The following ANKRD46 variants were observed in gnomAD, a reference collection of about 807,000 sequenced individuals.
ANKRD46 encodes the protein ankyrin repeat domain 46, also known as ankyrin repeat domain-containing protein 46.
A neutral mutation model predicts 19.8 loss-of-function variants in ANKRD46; 13 were observed. That is an observed-to-expected ratio of 0.66 (90% confidence interval 0.43 to 1.04). The LOEUF (loss-of-function observed/expected upper bound fraction) is 1.04. ANKRD46 is among the 50% of genes least tolerant of loss of function. ANKRD46 has a pLI of 0.00. For missense variants in ANKRD46, 185 were observed against 274.8 expected, an observed-to-expected ratio of 0.67 and a Z score of 2.31; for synonymous variants, 91 against 106.9, an observed-to-expected ratio of 0.85 and a Z score of 0.92.
At chr8:100,540,364 C>T (rs1158259662) in intron 1 of ANKRD46, among the ~76,000 whole-genome samples, 1 of 152,162 alleles carries the variant, frequency 6.6e-6, no homozygotes, top group Non-Finnish European at 1.5e-5. Context: ...ACTGTAGAAA[C>T]AATACCTGGA....
rs548740436 is a variant in ANKRD46, at chr8:100,522,365, A to C, written c.*190T>G. ...GTCAGAGGTAGCGTTAGGATGCAAT[A>C]TACTTGATCATAGTATGTAGTTAGT... On this transcript the variant is annotated 3_prime_UTR_variant, in exon 5 of 5. Coordinates refer to ENST00000335659, the MANE Select transcript of ANKRD46 (RefSeq NM_001270377.2). The C allele has an allele frequency of 1.6e-4, 229 of 1,413,548 alleles. 2 individuals carry two copies. In the African/African-American group the frequency reaches 3.1e-3, roughly 19 times the overall value. 87.6% of individuals were successfully genotyped at this position (1,413,548 alleles called of 1,614,324 possible). A position where few individuals can be genotyped will look rare whatever the true frequency, so the allele number is the denominator to read the frequency against.
In ANKRD46 at chr8:100,546,861, T is replaced by A. The variant is rs1812282954; in HGVS notation, c.-131+12850A>T. On this transcript the variant is annotated intron_variant, in intron 1 of 4. Coordinates refer to ENST00000335659, the MANE Select transcript of ANKRD46 (RefSeq NM_001270377.2). This position sits in a 1 kb window ranked among gnomAD's most constrained non-coding sequence, Gnocchi z 4.0. The stretch of plus-strand genomic sequence containing the variant: ...GTGAGACATGGAGTTAAAGGAGATT[T>A]TGGAGTTTAAGATTCAATGACTGCC... Among the ~76,000 whole-genome samples, 1 of 152,194 alleles carries A rather than the reference T, an allele frequency of 6.6e-6. No individual in the cohort carries two copies. The highest frequency in any genetic ancestry group is 1.5e-5 in the Non-Finnish European group (1 of 68,040).
chr8:100,511,418 G>T lies in ANKRD46; in HGVS notation c.637-779C>A, dbSNP rs1383171356. Among the ~76,000 whole-genome samples the T allele has an allele frequency of 6.6e-6, 1 of 151,796 alleles. No homozygotes were observed. Among genetic ancestry groups the T allele is most frequent in the East Asian group, 1.9e-4 (1 of 5,196 alleles). On this transcript the variant is annotated intron_variant, in intron 5 of 5. Coordinates refer to the ANKRD46 transcript ENST00000520552. The surrounding 1 kb of genome is among the most constrained non-coding windows in gnomAD (Gnocchi z 4.1). Reference sequence around the variant, plus strand: ...TTATTTTCTTATGTATCTGGTAAATGGTGAGGTAGACACCAAGTTGTGTGT... The same window carrying T: ...TTATTTTCTTATGTATCTGGTAAATTGTGAGGTAGACACCAAGTTGTGTGT...
rs1000157863 is a variant in ANKRD46, at chr8:100,536,217, C to T, written c.-130-2906G>A. ...GATTCACTGAGGACTGAGTCTGTGC[C>T]CCTGTGAATGGATGTGAAACCTAAG... On this transcript the variant is annotated intron_variant, in intron 1 of 4. Transcript: ENST00000335659. The surrounding 1 kb of genome is among the most constrained non-coding windows in gnomAD (Gnocchi z 4.9). 4.6e-5 allele frequency among the ~76,000 whole-genome samples: 7 copies of T among 151,774 alleles called. No homozygotes were observed. The highest frequency in any genetic ancestry group is 1.7e-4 in the African/African-American group (7 of 41,304).
chr8:100,527,928 T>G lies in ANKRD46; in HGVS notation c.387A>C (p.Glu129Asp). Residue 129 changes from glutamate (E) to aspartate (D), a missense_variant, in exon 4 of 5, where the codon GAA becomes GAC. Physicochemically the swap from Glu to Asp is conservative, Grantham distance 45. Coordinates refer to ENST00000335659, the MANE Select transcript of ANKRD46 (RefSeq NM_001270377.2). The surrounding 1 kb of genome is among the most constrained non-coding windows in gnomAD (Gnocchi z 4.0). ...CTTTCACCTCCTGTTCTTCCAAAGATTCCAGCAATCGGATGACATCTTTAT... is the reference window on the plus strand; with the variant it reads ...CTTTCACCTCCTGTTCTTCCAAAGAGTCCAGCAATCGGATGACATCTTTAT... ...GVNKDVIRLL[E>D]SLEEQEVKGF... The G allele has an allele frequency of 6.2e-7, 1 of 1,613,076 alleles. No homozygotes were observed. Among genetic ancestry groups the G allele is most frequent in the Non-Finnish European group, 8.5e-7 (1 of 1,179,920 alleles).
intron 1 of ANKRD46, among the ~76,000 whole-genome samples, chr8:100,552,211 G>A (rs550719475): frequency 5.3e-5 from 8 of 150,928 alleles, no homozygotes; most frequent in East Asian, 1.9e-4. Context: ...GTGATTTTCC[G>A]GCTATCTTTC....
At position 100,540,961 on chromosome 8, in the gene ANKRD46, T is replaced by C. The variant is rs1372258727; in HGVS notation, c.-130-7650A>G. Among the ~76,000 whole-genome samples the C allele has an allele frequency of 2.0e-5, 3 of 150,940 alleles. No individual in the cohort carries two copies. The Admixed American group carries it at 2.0e-4, about 10-fold the overall frequency. On this transcript the variant is annotated intron_variant, in intron 1 of 4. Coordinates refer to ENST00000335659, the MANE Select transcript of ANKRD46 (RefSeq NM_001270377.2). ...TCTAGTTGCAACAGCACTTTATTTA[T>C]ATGGCCTAAGGGTGCCACCTTGTGG...
At chr8:100,542,699 G>T (rs1812198020) in intron 1 of ANKRD46, among the ~76,000 whole-genome samples, 1 of 152,010 alleles carries the variant, frequency 6.6e-6, no homozygotes, top group South Asian at 2.1e-4. Context: ...CAGATTCCCT[G>T]CCCCCAGGTT....
At chr8:100,512,509 T>G (rs1220673074) in intron 5 of ANKRD46, among the ~76,000 whole-genome samples, 1 of 152,206 alleles carries the variant, frequency 6.6e-6, no homozygotes, top group Admixed American at 6.5e-5. Context: ...TTTTGAAGAT[T>G]ATAAGAAGTT....
chr8:100,513,787 C>G (rs571964995), intron 5 of ANKRD46, among the ~76,000 whole-genome samples: 1 of 152,274 alleles, frequency 6.6e-6, no homozygotes, highest in African/African-American at 2.4e-5. Context: ...TTAAGGATCT[C>G]TAAGTTTTAT....
downstream of ANKRD46, among the ~76,000 whole-genome samples, chr8:100,518,123 G>A (rs1053793197): frequency 1.1e-4 from 17 of 152,114 alleles, no homozygotes; most frequent in African/African-American, 2.9e-4. Context: ...CCTGGAAGGC[G>A]GAGGTTGTAG....
Position 100,521,461 on chromosome 8 carries a change from G to GT in ANKRD46, c.*1093dup. 1 of 985,392 alleles carries GT rather than the reference G, an allele frequency of 1.0e-6. No individual in the cohort carries two copies. Among genetic ancestry groups the GT allele is most frequent in the Non-Finnish European group, 1.2e-6 (1 of 829,926 alleles). The allele number at this position is 985,392 out of a possible 1,614,324, so 61.0% of individuals were successfully genotyped here. A position where few individuals can be genotyped will look rare whatever the true frequency, so the allele number is the denominator to read the frequency against. ...ACATACTGCTGAAAGCTGCAATATAGTTTGAGGGCCAGATTTCAATTTACA... is the reference window on the plus strand; with the variant it reads ...ACATACTGCTGAAAGCTGCAATATAGTTTTGAGGGCCAGATTTCAATTTACA... On this transcript the variant is annotated 3_prime_UTR_variant, in exon 5 of 5. Transcript: ENST00000335659.
At position 100,521,303 on chromosome 8, in the gene ANKRD46, C is replaced by A. The variant is rs879581249; in HGVS notation, c.*1252G>T. The A allele has an allele frequency of 3.2e-5, 32 of 985,178 alleles. No individual in the cohort carries two copies. In the Middle Eastern group the frequency reaches 1.5e-3, roughly 48 times the overall value. 61.0% of individuals were successfully genotyped at this position (985,178 alleles called of 1,614,324 possible). A position where few individuals can be genotyped will look rare whatever the true frequency, so the allele number is the denominator to read the frequency against. On this transcript the variant is annotated 3_prime_UTR_variant, in exon 5 of 5. Transcript: ENST00000335659. The stretch of plus-strand genomic sequence containing the variant: ...GCTTAGGTGCCTTTATTCCAAAAAA[C>A]AAAACCATTAGTTCTTTCACTACAA...
Position 100,535,826 on chromosome 8 carries a change from C to T in ANKRD46, c.-130-2515G>A, listed in dbSNP as rs553544760. ...TCTACTGAAGGACATCTGGTGTCTC[C>T]AGTTTTTGGCCATTGTTAAAGCTTC... On this transcript the variant is annotated intron_variant, in intron 1 of 4. Transcript: ENST00000335659. Among the ~76,000 whole-genome samples, 19 of 152,262 alleles carry T rather than the reference C, an allele frequency of 1.2e-4. No individual in the cohort carries two copies. In the South Asian group the frequency reaches 3.7e-3, roughly 30 times the overall value.
chr8:100,537,672 C>T lies in ANKRD46; in HGVS notation c.-130-4361G>A, dbSNP rs549233865. On this transcript the variant is annotated intron_variant, in intron 1 of 4. Transcript: ENST00000335659. The surrounding 1 kb of genome is among the most constrained non-coding windows in gnomAD (Gnocchi z 4.2). ...TCTGCAAAAATCCAAAGATACTGGG[C>T]AAGGAAAAATGCCATGTTGAAAAGA... Among the ~76,000 whole-genome samples, 10 of 152,196 alleles carry T rather than the reference C, an allele frequency of 6.6e-5. No individual in the cohort carries two copies. In the South Asian group the frequency reaches 1.9e-3, roughly 28 times the overall value.
downstream of ANKRD46, chr8:100,520,744 A>G: frequency 1.1e-6 from 1 of 886,116 alleles, no homozygotes; most frequent in Non-Finnish European, 1.3e-6. Context: ...AATACACTAA[A>G]AAAAAAAAAA....
intron 1 of ANKRD46, among the ~76,000 whole-genome samples, chr8:100,540,279 G>A (rs1488218019): frequency 6.6e-6 from 1 of 151,868 alleles, no homozygotes; most frequent in Non-Finnish European, 1.5e-5. Flanking sequence ...CAAACATAAG[G>A]GAGAACATTA....
Position 100,546,951 on chromosome 8 carries a change from G to A in ANKRD46, c.-131+12760C>T, listed in dbSNP as rs1421132674. 6.6e-6 allele frequency among the ~76,000 whole-genome samples: 1 copy of A among 152,226 alleles called. No homozygotes were observed. Among genetic ancestry groups the A allele is most frequent in the African/African-American group, 2.4e-5 (1 of 41,460 alleles). ...TGTTTTGGCCAATTTCTCCCATTTG[G>A]AATGGGAGCATTTACCCAATGCCTG... On this transcript the variant is annotated intron_variant, in intron 1 of 4. Transcript: ENST00000335659. The surrounding 1 kb of genome is among the most constrained non-coding windows in gnomAD (Gnocchi z 4.0).
chr8:100,521,780 G>A lies in ANKRD46; in HGVS notation c.*775C>T, dbSNP rs1276032043. ...CCCTGCTAACTATTCAGTAGAAAAA[G>A]GATTTTCTGACTGTAATTCTGATGA... On this transcript the variant is annotated 3_prime_UTR_variant, in exon 5 of 5. Coordinates refer to ENST00000335659, the MANE Select transcript of ANKRD46 (RefSeq NM_001270377.2). The A allele has an allele frequency of 1.3e-5, 13 of 985,096 alleles. No homozygotes were observed. The highest frequency in any genetic ancestry group is 1.6e-5 in the Non-Finnish European group (13 of 829,778). The allele number at this position is 985,096 out of a possible 1,614,324, so 61.0% of individuals were successfully genotyped here. A position where few individuals can be genotyped will look rare whatever the true frequency, so the allele number is the denominator to read the frequency against.
Sources: allele counts gnomAD v4.1 joint callset (sites outside exome capture counted in the v4.1 genomes callset), GRCh38; gene constraint gnomAD v4.1.1; non-coding constraint Gnocchi (gnomAD v3.1); transcripts MANE v1.5; gene names NCBI Gene and HGNC (gene_info 2026-07-23, HGNC 2026-07-21).